Variants in ATP11B observed in about 807,000 individuals in gnomAD.
ATP11B encodes the protein ATPase phospholipid transporting 11B (putative), also known as phospholipid-transporting ATPase IF.
A neutral mutation model predicts 157.8 loss-of-function variants in ATP11B; 81 were observed. That is an observed-to-expected ratio of 0.51 (90% CI 0.43 to 0.62). The LOEUF (loss-of-function observed/expected upper bound fraction) is 0.62. Among genes scored for constraint, ATP11B ranks in the 20% least tolerant of loss-of-function variants. ATP11B has a pLI of 0.00. For synonymous variants in ATP11B, 451 were observed against 469.4 expected, an observed-to-expected ratio of 0.96 and a Z score of 0.51; for missense variants, 1,165 against 1,402.2, an observed-to-expected ratio of 0.83 and a Z score of 2.70.
At chr3:182,912,056 A>C (rs1560134802) in intron 28 of ATP11B, among the ~76,000 whole-genome samples, 1 of 152,094 alleles carries the variant, frequency 6.6e-6, no homozygotes, top group Admixed American at 6.5e-5. Context: ...AAGGGCCTTC[A>C]AGGCTTCATG....
At chr3:182,889,356 T>G in intron 24 of ATP11B, 54 bp from the exon 25 acceptor site, 1 of 1,270,886 alleles carries the variant, frequency 7.9e-7, no homozygotes, top group South Asian at 1.4e-5. Flanking sequence ...AATTGTTTAG[T>G]GGGCAAATAA....
chr3:182,858,165 T>C, intron 11 of ATP11B, 137 bp downstream of exon 11: 1 of 727,882 alleles, frequency 1.4e-6, no homozygotes, highest in South Asian at 2.8e-5. Flanking sequence ...GAAATGGCAT[T>C]GCAAATGCAG....
chr3:182,892,196 T>G lies in ATP11B; in HGVS notation c.2982+2648T>G, dbSNP rs137993086. On this transcript the variant is annotated intron_variant, in intron 25 of 29. Transcript: ENST00000323116. Reference sequence around the variant, plus strand: ...TCTCTAGAATGCTCATGCTTCCCTTTCCCCAAGATTCCCTCACCACCACCT... The same window carrying G: ...TCTCTAGAATGCTCATGCTTCCCTTGCCCCAAGATTCCCTCACCACCACCT... Among the ~76,000 whole-genome samples the G allele has an allele frequency of 2.9e-3, 439 of 152,228 alleles. 3 individuals are homozygous for G. The highest frequency in any genetic ancestry group is 0.01 in the Middle Eastern group (3 of 294).
At chr3:182,899,829 A>G (rs73883933) in intron 28 of ATP11B, among the ~76,000 whole-genome samples, 8,385 of 152,194 alleles carry the variant, frequency 0.055, 784 homozygotes, top group African/African-American at 0.19. Context: ...TGTCTTTTTT[A>G]TATATTTGAC....
chr3:182,865,192 G>A (rs1371412786), intron 12 of ATP11B, among the ~76,000 whole-genome samples: 1 of 152,010 alleles, frequency 6.6e-6, no homozygotes, highest in African/African-American at 2.4e-5. Context: ...CCAAATTCTC[G>A]TCAATTCTAC....
At chr3:182,834,722 G>C (rs1285828530) in intron 4 of ATP11B, among the ~76,000 whole-genome samples, 3 of 152,164 alleles carry the variant, frequency 2.0e-5, no homozygotes, top group Non-Finnish European at 4.4e-5. Flanking sequence ...GCTTGTGTCT[G>C]TTTCCTTCCT....
intron 12 of ATP11B, among the ~76,000 whole-genome samples, chr3:182,863,435 A>G (rs1290996715): frequency 6.6e-6 from 1 of 151,908 alleles, no homozygotes; most frequent in East Asian, 1.9e-4. Context: ...TTGTGTATGC[A>G]TACTCATGTC....
chr3:182,794,956 A>G (rs1715507291), intron 1 of ATP11B, among the ~76,000 whole-genome samples: 1 of 152,032 alleles, frequency 6.6e-6, no homozygotes, highest in Non-Finnish European at 1.5e-5. Flanking sequence ...CTAGAAAAGC[A>G]TTTTAACGTT....
At position 182,797,591 on chromosome 3, in the gene ATP11B, C is replaced by T. The variant is rs778982260; in HGVS notation, c.27+3805C>T. Among the ~76,000 whole-genome samples, 160 of 152,096 alleles carry T rather than the reference C, an allele frequency of 1.1e-3. 4 individuals are homozygous for T. The highest frequency in any genetic ancestry group is 4.0e-4 in the Non-Finnish European group (27 of 68,006). ...GGCGTGGTGATGGGCACCTGTAATC[C>T]CAGCTACTCAGGAGGCTGAAGCAGC... On this transcript the variant is annotated intron_variant, in intron 1 of 29. Transcript: ENST00000323116.
At chr3:182,891,553 C>G (rs143465257) in intron 25 of ATP11B, among the ~76,000 whole-genome samples, 2 of 151,894 alleles carry the variant, frequency 1.3e-5, no homozygotes, top group Non-Finnish European at 2.9e-5. Flanking sequence ...TTCATGATTA[C>G]GTAATACTCT....
At chr3:182,849,878 C>T (rs1719832717) in intron 10 of ATP11B, among the ~76,000 whole-genome samples, 2 of 152,056 alleles carry the variant, frequency 1.3e-5, no homozygotes, top group Admixed American at 1.3e-4. Flanking sequence ...GAAGAAACTT[C>T]AGCCTACGCT....
chr3:182,800,881 C>G (rs567336901), intron 1 of ATP11B, among the ~76,000 whole-genome samples: 2 of 147,458 alleles, frequency 1.4e-5, no homozygotes, highest in South Asian at 4.5e-4. Context: ...CCCACCCCCC[C>G]CAGCCCCGCC....
intron 1 of ATP11B, among the ~76,000 whole-genome samples, chr3:182,809,785 ATTTC>A (rs1716540592): frequency 1.3e-5 from 2 of 152,226 alleles, no homozygotes; most frequent in African/African-American, 4.8e-5. Context: ...AATCACTAAG[ATTTC>A]ATCAATTCCA....
intron 2 of ATP11B, among the ~76,000 whole-genome samples, chr3:182,827,058 T>A (rs1442865723): frequency 6.6e-6 from 1 of 152,156 alleles, no homozygotes; most frequent in Non-Finnish European, 1.5e-5. Flanking sequence ...TCTCTACCTA[T>A]GTGCCAAGGA....
chr3:182,886,622 A>C (rs921181727), intron 23 of ATP11B, among the ~76,000 whole-genome samples: 3 of 152,190 alleles, frequency 2.0e-5, no homozygotes, highest in African/African-American at 7.2e-5. Flanking sequence ...TCTAGAAAAG[A>C]AAAATGAAAT....
At chr3:182,874,797 C>T (rs1721913725) in intron 19 of ATP11B, among the ~76,000 whole-genome samples, 1 of 152,146 alleles carries the variant, frequency 6.6e-6, no homozygotes, top group Non-Finnish European at 1.5e-5. Context: ...GTAAACCTCT[C>T]TTATTTAAAA....
chr3:182,917,702 TTAA>T (rs1278078183), intron 29 of ATP11B: 8 of 985,330 alleles, frequency 8.1e-6, no homozygotes, highest in Non-Finnish European at 9.6e-6. Context: ...TGCATAACTC[TTAA>T]TAACATACTT....
chr3:182,866,283 C>G lies in ATP11B; in HGVS notation c.1459C>G (p.Leu487Val). Reference protein sequence around the residue: ...NETELIKEHDLFFKAVSLCHT... With the variant: ...NETELIKEHDVFFKAVSLCHT... Reference sequence around the variant, plus strand: ...ATTTTTACAGATTAAAGAACATGATCTCTTCTTTAAAGCAGTCAGTCTCTG... The same window carrying G: ...ATTTTTACAGATTAAAGAACATGATGTCTTCTTTAAAGCAGTCAGTCTCTG... Residue 487 changes from leucine to valine, a missense_variant, in exon 14 of 30, where the codon CTC (leucine) becomes GTC (valine). This residue lies in a region of ATP11B where 737 missense variants were observed against 930.5 expected (regional missense o/e 0.79). Transcript: ENST00000323116. 6.3e-7 allele frequency: 1 copy of G among 1,576,306 alleles called. No individual in the cohort carries two copies. The highest frequency in any genetic ancestry group is 2.3e-5 in the East Asian group (1 of 43,626).
At chr3:182,864,050 C>G (rs1721048829) in intron 12 of ATP11B, among the ~76,000 whole-genome samples, 1 of 151,952 alleles carries the variant, frequency 6.6e-6, no homozygotes, top group Non-Finnish European at 1.5e-5. Flanking sequence ...TGCTTTTTGA[C>G]TTTAGGTAAG....
Sources: allele counts gnomAD v4.1 joint callset (sites outside exome capture counted in the v4.1 genomes callset), GRCh38; gene constraint gnomAD v4.1.1; regional missense constraint gnomAD v4.1.1; transcripts MANE v1.5; gene names NCBI Gene and HGNC (gene_info 2026-07-23, HGNC 2026-07-21).